NALCN: variants seen among roughly 807,000 people sequenced by gnomAD.
NALCN encodes the protein sodium leak channel NALCN.
A neutral mutation model predicts 225.3 loss-of-function variants in NALCN; 111 were observed. That is an observed-to-expected ratio of 0.49 (90% CI 0.42 to 0.58). NALCN has a LOEUF of 0.58. NALCN is among the 20% of genes least tolerant of loss of function. The pLI is 0.00. For missense variants in NALCN, 1,378 were observed against 2,202.4 expected, an observed-to-expected ratio of 0.63 and a Z score of 7.49; for synonymous variants, 764 against 769.0, an observed-to-expected ratio of 0.99 and a Z score of 0.11.
In NALCN at chr13:101,210,922, T is replaced by C. The variant is rs117228279; in HGVS notation, c.1626+18471A>G. 7.3e-3 allele frequency among the ~76,000 whole-genome samples: 1,112 copies of C among 152,302 alleles called. 10 individuals carry two copies. The highest frequency in any genetic ancestry group is 0.029 in the South Asian group (140 of 4,826). On this transcript the variant is annotated intron_variant, in intron 13 of 43. Coordinates refer to ENST00000251127, the MANE Select transcript of NALCN (RefSeq NM_052867.4). ...GTGGGTAGCCATGAGAGACTGACAA[T>C]AGAGTCTCACTACAGACTGTATTTT...
chr13:101,170,598 G>T (rs1451785040), intron 15 of NALCN, among the ~76,000 whole-genome samples: 3 of 152,272 alleles, frequency 2.0e-5, no homozygotes, highest in East Asian at 3.9e-4. Context: ...TAACAAAAGA[G>T]AATATAAGAT....
chr13:101,148,662 A>G (rs2037477864), intron 15 of NALCN, among the ~76,000 whole-genome samples: 1 of 152,200 alleles, frequency 6.6e-6, no homozygotes, highest in South Asian at 2.1e-4. Context: ...GGCTCTGCTC[A>G]TTATTCCACG....
intron 1 of NALCN, among the ~76,000 whole-genome samples, chr13:101,408,851 T>C (rs1408853294): frequency 6.6e-6 from 1 of 152,106 alleles, no homozygotes; most frequent in Non-Finnish European, 1.5e-5. Context: ...GGTGACCACA[T>C]AGGGGAAGGC....
chr13:101,263,878 C>T (rs1309574000), intron 10 of NALCN, among the ~76,000 whole-genome samples: 4 of 152,132 alleles, frequency 2.6e-5, no homozygotes, highest in Non-Finnish European at 4.4e-5. Context: ...TGGCATGGCC[C>T]ACTTCAACTC....
chr13:101,062,374 T>C (rs1012480455), intron 40 of NALCN, among the ~76,000 whole-genome samples: 1 of 152,104 alleles, frequency 6.6e-6, no homozygotes, highest in East Asian at 1.9e-4. Flanking sequence ...TCTGTGAGGC[T>C]CTTATAGTAG....
chr13:101,406,783 T>C (rs1174137276), intron 1 of NALCN, among the ~76,000 whole-genome samples: 1 of 152,224 alleles, frequency 6.6e-6, no homozygotes, highest in African/African-American at 2.4e-5. Flanking sequence ...AGAAATATTC[T>C]ATTATACCTT....
At chr13:101,395,449 T>C in intron 2 of NALCN, 84 bp from the exon 3 acceptor site, 1 of 1,342,352 alleles carries the variant, frequency 7.4e-7, no homozygotes, top group South Asian at 1.4e-5. Flanking sequence ...GTGGAAAACA[T>C]AATACTGAGG....
intron 6 of NALCN, among the ~76,000 whole-genome samples, chr13:101,365,662 G>T (rs550901496): frequency 2.0e-5 from 3 of 151,980 alleles, no homozygotes; most frequent in Non-Finnish European, 2.9e-5. Flanking sequence ...CCTGGGCAAG[G>T]TGACCATAAA....
chr13:101,111,352 A>G (rs2035427037), intron 18 of NALCN, 126 bp from the exon 19 acceptor site: 1 of 688,312 alleles, frequency 1.5e-6, no homozygotes, highest in East Asian at 2.7e-5. Flanking sequence ...TACAGCAAAT[A>G]ACGTATAATT....
intron 3 of NALCN, among the ~76,000 whole-genome samples, chr13:101,387,025 T>C (rs2047007424): frequency 6.6e-6 from 1 of 151,112 alleles, no homozygotes; most frequent in Non-Finnish European, 1.5e-5. Context: ...ATCGAGACCA[T>C]CCTGGCTAAC....
chr13:101,055,496 A>T lies in NALCN; in HGVS notation c.5024-8T>A, dbSNP rs377243116. 4 of 1,613,082 alleles carry T rather than the reference A, an allele frequency of 2.5e-6. No homozygotes were observed. In the African/African-American group the frequency reaches 5.3e-5, roughly 22 times the overall value. On this transcript the variant is annotated splice_region_variant and splice_polypyrimidine_tract_variant and intron_variant, in intron 43 of 43. Transcript: ENST00000251127. ...GGCTTATTGGTTTTGGGGCTGTGGAATTAATGAGTCCTATGAGCCACTTGG... is the reference window on the plus strand; with the variant it reads ...GGCTTATTGGTTTTGGGGCTGTGGATTTAATGAGTCCTATGAGCCACTTGG...
intron 12 of NALCN, among the ~76,000 whole-genome samples, chr13:101,231,005 A>G (rs1234445281): frequency 6.6e-6 from 1 of 152,192 alleles, no homozygotes; most frequent in Non-Finnish European, 1.5e-5. Context: ...TGCCTACAGT[A>G]TTCAATGTAG....
At chr13:101,325,274 G>A (rs1450775857) in intron 7 of NALCN, among the ~76,000 whole-genome samples, 1 of 152,178 alleles carries the variant, frequency 6.6e-6, no homozygotes, top group Admixed American at 6.5e-5. Context: ...GTACACTTGA[G>A]CTGTAGGAGC....
chr13:101,100,362 A>G (rs1398038392), intron 27 of NALCN, among the ~76,000 whole-genome samples: 1 of 152,190 alleles, frequency 6.6e-6, no homozygotes, highest in African/African-American at 2.4e-5. Context: ...TCAAGTTGTC[A>G]ACAGTGGGTT....
chr13:101,139,016 A>G (rs2139768596), intron 17 of NALCN, among the ~76,000 whole-genome samples: 1 of 152,190 alleles, frequency 6.6e-6, no homozygotes, highest in East Asian at 1.9e-4. Flanking sequence ...GGTCGTTTCT[A>G]TGGAGTCTCA....
Position 101,344,630 on chromosome 13 carries a change from C to A in NALCN, c.799+636G>T, listed in dbSNP as rs550347288. Among the ~76,000 whole-genome samples, 3 of 152,100 alleles carry A rather than the reference C, an allele frequency of 2.0e-5. No homozygotes were observed. In the East Asian group the frequency reaches 5.8e-4, roughly 29 times the overall value. On this transcript the variant is annotated intron_variant, in intron 7 of 43. Coordinates refer to ENST00000251127, the MANE Select transcript of NALCN (RefSeq NM_052867.4). Reference sequence around the variant, plus strand: ...CAACTTGCATGGAATTATAAAAATACAATGATATCAACTAAATGGCAGATG... The same window carrying A: ...CAACTTGCATGGAATTATAAAAATAAAATGATATCAACTAAATGGCAGATG...
rs373272272 is a variant in NALCN at position 101,201,345 on chromosome 13, C to T, written c.1627-9291G>A. On this transcript the variant is annotated intron_variant, in intron 13 of 43. Transcript: ENST00000251127. ...TACTTGTTAGCTGTCATTCTCCATT[C>T]CTCCCTCCCTCAGCCTTTGGAAATC... is the stretch of plus-strand genomic sequence containing the variant. 2.2e-4 allele frequency among the ~76,000 whole-genome samples: 33 copies of T among 152,270 alleles called. No homozygotes were observed. The East Asian group carries it at 4.5e-3, about 21-fold the overall frequency.
intron 37 of NALCN, among the ~76,000 whole-genome samples, chr13:101,070,933 G>A (rs555333890): frequency 6.6e-6 from 1 of 152,264 alleles, no homozygotes; most frequent in Non-Finnish European, 1.5e-5. Context: ...CGGCGGAAGG[G>A]GAAGCAAATA....
chr13:101,314,611 A>G (rs1266097353), intron 7 of NALCN, among the ~76,000 whole-genome samples: 1 of 152,186 alleles, frequency 6.6e-6, no homozygotes, highest in African/African-American at 2.4e-5. Context: ...CCACAATATC[A>G]CCCACATAAA....
Sources: gnomAD v4.1 joint callset for allele counts (sites outside exome capture counted in the v4.1 genomes callset) on GRCh38, gnomAD v4.1.1 for gene constraint, MANE v1.5 for transcripts, NCBI Gene and HGNC (gene_info 2026-07-23, HGNC 2026-07-21) for gene names.